Variants in SPATS2 observed in about 807,000 individuals in gnomAD.
SPATS2 encodes spermatogenesis-associated serine-rich protein 2.
In SPATS2, 38 loss-of-function variants were observed where a neutral mutation model predicts 63.7. That is an observed-to-expected ratio of 0.60 (90% CI 0.46 to 0.78). The LOEUF is 0.78. SPATS2 is among the 30% of genes least tolerant of loss of function. The pLI, the probability that SPATS2 is intolerant of heterozygous loss-of-function variation, is 0.00. For missense variants in SPATS2, 588 were observed against 666.2 expected, an observed-to-expected ratio of 0.88 and a Z score of 1.29; for synonymous variants, 207 against 232.9, an observed-to-expected ratio of 0.89 and a Z score of 1.01.
At chr12:49,468,890 T>G (rs1945979228) in intron 3 of SPATS2, among the ~76,000 whole-genome samples, 1 of 152,202 alleles carries the variant, frequency 6.6e-6, no homozygotes, top group Admixed American at 6.5e-5. Context: ...ATAAGTCCAC[T>G]TCTTTCTTCT....
chr12:49,397,593 T>G (rs2137279939), intron 2 of SPATS2, among the ~76,000 whole-genome samples: 1 of 152,094 alleles, frequency 6.6e-6, no homozygotes. Context: ...TTTGGCAGGC[T>G]AAGATGGGAG....
intron 2 of SPATS2, among the ~76,000 whole-genome samples, chr12:49,420,708 A>G (rs1944965417): frequency 6.6e-6 from 1 of 152,208 alleles, no homozygotes; most frequent in South Asian, 2.1e-4. Context: ...CCACACATAC[A>G]TAGGATCAAG....
intron 2 of SPATS2, among the ~76,000 whole-genome samples, chr12:49,413,585 TCCCACTTACAGAATACA>T (rs773679575): frequency 8.6e-5 from 13 of 151,952 alleles, no homozygotes; most frequent in Non-Finnish European, 1.8e-4. Context: ...TTTTCATTCC[TCCCACTTACAGAATACA>T]CTCACCCCTT....
chr12:49,445,425 C>G (rs1466634795), intron 2 of SPATS2, among the ~76,000 whole-genome samples: 6 of 152,066 alleles, frequency 3.9e-5, no homozygotes, highest in African/African-American at 1.4e-4. Flanking sequence ...TCTTCCATTC[C>G]TGGAATAAGT....
intron 9 of SPATS2, 61 bp downstream of exon 9, chr12:49,500,266 G>T: frequency 6.7e-7 from 1 of 1,500,184 alleles, no homozygotes; most frequent in Non-Finnish European, 8.9e-7. Flanking sequence ...ATATAAAGAT[G>T]GTCAGCCATT....
chr12:49,402,932 G>A (rs1320377245), intron 2 of SPATS2, among the ~76,000 whole-genome samples: 2 of 152,140 alleles, frequency 1.3e-5, no homozygotes, highest in Non-Finnish European at 2.9e-5. Flanking sequence ...TTCGTTTGGA[G>A]CAAAAGAGTG....
At chr12:49,491,415 A>G (rs889239076) in intron 6 of SPATS2, among the ~76,000 whole-genome samples, 2 of 152,096 alleles carry the variant, frequency 1.3e-5, no homozygotes, top group Admixed American at 6.6e-5. Context: ...GAGCTTTGAC[A>G]TAAAGCTGTT....
intron 2 of SPATS2, among the ~76,000 whole-genome samples, chr12:49,436,519 C>T (rs1336460005): frequency 2.4e-5 from 3 of 127,508 alleles, no homozygotes; most frequent in African/African-American, 9.0e-5. Context: ...GCTGGCCGGG[C>T]GGGGGGCTGA....
At chr12:49,500,478 A>G (rs140026719) in intron 9 of SPATS2, among the ~76,000 whole-genome samples, 14 of 152,270 alleles carry the variant, frequency 9.2e-5, no homozygotes, top group Non-Finnish European at 1.8e-4. Flanking sequence ...CATATACTTT[A>G]AAGTCTCCTT....
In SPATS2 at chr12:49,490,637, G is replaced by C. The variant is rs1295445206; in HGVS notation, c.215-45G>C. 1.9e-6 allele frequency: 3 copies of C among 1,563,638 alleles called. No individual in the cohort carries two copies. In the Admixed American group the frequency reaches 5.1e-5, roughly 26 times the overall value. Reference sequence around the variant, plus strand: ...GGACACTGACTCCTGCTTGACTACTGTGTGTGTGGTAGGAGACAAAATCTG... The same window carrying C: ...GGACACTGACTCCTGCTTGACTACTCTGTGTGTGGTAGGAGACAAAATCTG... On this transcript the variant is annotated intron_variant, in intron 5 of 13. Coordinates refer to ENST00000552918, the MANE Select transcript of SPATS2 (RefSeq NM_023071.4).
intron 2 of SPATS2, among the ~76,000 whole-genome samples, chr12:49,458,468 C>T (rs1360967402): frequency 6.6e-6 from 1 of 151,274 alleles, no homozygotes; most frequent in Admixed American, 6.6e-5. Flanking sequence ...GACTCTGTCT[C>T]CAGAAAAAGG....
intron 2 of SPATS2, among the ~76,000 whole-genome samples, chr12:49,410,967 G>A (rs1944787956): frequency 6.6e-6 from 1 of 151,910 alleles, no homozygotes; most frequent in South Asian, 2.1e-4. Context: ...TGAGGAAGGA[G>A]GAATTAGGTA....
intron 3 of SPATS2, among the ~76,000 whole-genome samples, chr12:49,466,172 G>GGGTTTTTT (rs1945911193): frequency 6.6e-6 from 1 of 151,238 alleles, no homozygotes; most frequent in Admixed American, 6.6e-5. Context: ...TTGGGTTTTT[G>GGGTTTTTT]GGTTTTTTTG....
At chr12:49,520,258 G>T (rs1239616657) in intron 11 of SPATS2, among the ~76,000 whole-genome samples, 1 of 152,120 alleles carries the variant, frequency 6.6e-6, no homozygotes, top group Non-Finnish European at 1.5e-5. Context: ...AGGATTACGG[G>T]CATGAGCCAC....
At chr12:49,440,098 G>T (rs1031200516) in intron 2 of SPATS2, among the ~76,000 whole-genome samples, 1 of 152,024 alleles carries the variant, frequency 6.6e-6, no homozygotes, top group Admixed American at 6.6e-5. Flanking sequence ...ATCTTGTCAC[G>T]TTTGCTTTAT....
chr12:49,424,267 C>T (rs985931075), intron 2 of SPATS2, among the ~76,000 whole-genome samples: 1 of 152,096 alleles, frequency 6.6e-6, no homozygotes, highest in African/African-American at 2.4e-5. Flanking sequence ...TTCAGTGATA[C>T]TCAGACCTTT....
At chr12:49,406,451 AT>A (rs370374617) in intron 2 of SPATS2, 37 of 149,298 alleles carry the variant, frequency 2.5e-4, no homozygotes, top group South Asian at 1.7e-3. Context: ...TACCTGACTA[AT>A]TTTTTTTTTA....
chr12:49,445,636 G>T (rs940132821), intron 2 of SPATS2, among the ~76,000 whole-genome samples: 9 of 152,106 alleles, frequency 5.9e-5, no homozygotes, highest in African/African-American at 2.2e-4. Context: ...TACTCCCTCA[G>T]CCTCCCAAGT....
chr12:49,367,775 G>A (rs978561424), intron 1 of SPATS2, among the ~76,000 whole-genome samples, 188 bp downstream of exon 1: 2 of 151,970 alleles, frequency 1.3e-5, no homozygotes, highest in Admixed American at 6.5e-5. Context: ...TCTGTGGGGC[G>A]GGTGAAACAC....
Sources: allele counts gnomAD v4.1 joint callset (sites outside exome capture counted in the v4.1 genomes callset), GRCh38; gene constraint gnomAD v4.1.1; transcripts MANE v1.5; gene names NCBI Gene and HGNC (gene_info 2026-07-23, HGNC 2026-07-21).